Variants in TMEM26 observed in about 807,000 individuals in gnomAD.
TMEM26 encodes the protein transmembrane protein 26.
In TMEM26, 38 loss-of-function variants were observed where a neutral mutation model predicts 28.8. That is an observed-to-expected ratio of 1.32 (90% CI 1.02 to 1.73). The LOEUF (loss-of-function observed/expected upper bound fraction) is 1.73. TMEM26 is among the 40% of genes most tolerant of loss of function. The probability of loss-of-function intolerance (pLI) is 0.00; values close to 1 mark genes in which losing one functional copy is unlikely to be tolerated. For missense variants in TMEM26, 518 were observed against 447.1 expected (o/e 1.16, Z -1.43); for synonymous variants, 227 against 182.9 (o/e 1.24, Z -1.95).
chr10:61,451,969 G>A (rs1326570439), intron 1 of TMEM26, among the ~76,000 whole-genome samples: 1 of 136,770 alleles, frequency 7.3e-6, no homozygotes, highest in Non-Finnish European at 1.5e-5. Flanking sequence ...CATAGCATGA[G>A]ATATTTTTAA....
chr10:61,422,931 A>G (rs1839772186), intron 4 of TMEM26, among the ~76,000 whole-genome samples: 1 of 152,134 alleles, frequency 6.6e-6, no homozygotes. Context: ...ATCAAACCAA[A>G]AAAGTAAACA....
chr10:61,420,791 T>G (rs1041256902), intron 4 of TMEM26, among the ~76,000 whole-genome samples: 6 of 151,666 alleles, frequency 4.0e-5, no homozygotes, highest in African/African-American at 1.5e-4. Flanking sequence ...AAATAAAGTC[T>G]TTCAGGTCGA....
chr10:61,430,073 A>G (rs1057222755), intron 3 of TMEM26, among the ~76,000 whole-genome samples: 3 of 152,082 alleles, frequency 2.0e-5, no homozygotes, highest in African/African-American at 7.2e-5. Flanking sequence ...ACGCTTTCTT[A>G]TATTAGTACT....
In TMEM26 at chr10:61,453,090, G is replaced by T; in HGVS notation, c.-9C>A. 1 of 1,610,468 alleles carries T rather than the reference G, an allele frequency of 6.2e-7. No homozygotes were observed. Among genetic ancestry groups the T allele is most frequent in the East Asian group, 2.2e-5 (1 of 44,790 alleles). ...AAGACCAGTCCCTCCATGCTGGCCG[G>T]AGCACTCTGCCTACGTCCCCTTGCC... On this transcript the variant is annotated 5_prime_UTR_variant, in exon 1 of 6. Coordinates refer to ENST00000399298, the MANE Select transcript of TMEM26 (RefSeq NM_178505.8).
At chr10:61,432,943 A>C (rs561806305) in intron 2 of TMEM26, among the ~76,000 whole-genome samples, 148 of 152,196 alleles carry the variant, frequency 9.7e-4, no homozygotes, top group Non-Finnish European at 1.8e-3. Flanking sequence ...TAAAAATTAA[A>C]TGTTTAACCA....
At chr10:61,413,910 A>C in intron 4 of TMEM26, 2 of 989,454 alleles carry the variant, frequency 2.0e-6, no homozygotes, top group Non-Finnish European at 2.4e-6. Context: ...AGGATTAATA[A>C]TTATTCTAAG....
At chr10:61,424,990 T>A (rs768730146) in intron 4 of TMEM26, among the ~76,000 whole-genome samples, 2 of 152,178 alleles carry the variant, frequency 1.3e-5, no homozygotes, top group Non-Finnish European at 2.9e-5. Context: ...AGTGTACTAG[T>A]CCATTTTCAT....
chr10:61,428,631 C>A (rs576325401), intron 4 of TMEM26, among the ~76,000 whole-genome samples: 5 of 152,064 alleles, frequency 3.3e-5, no homozygotes, highest in Non-Finnish European at 5.9e-5. Context: ...TTTCAGAGAA[C>A]CATGACTCTA....
chr10:61,450,954 T>C (rs1840268158), intron 1 of TMEM26, among the ~76,000 whole-genome samples: 1 of 152,194 alleles, frequency 6.6e-6, no homozygotes, highest in Non-Finnish European at 1.5e-5. Context: ...CCAGTCAACA[T>C]ATATTATTTT....
intron 4 of TMEM26, among the ~76,000 whole-genome samples, chr10:61,422,338 C>T (rs990320904): frequency 6.6e-6 from 1 of 152,026 alleles, no homozygotes; most frequent in African/African-American, 2.4e-5. Flanking sequence ...ACACCCCACC[C>T]AACACCAAGT....
At chr10:61,415,952 T>C in intron 4 of TMEM26, 1 of 355,306 alleles carries the variant, frequency 2.8e-6, no homozygotes, top group Non-Finnish European at 5.5e-6. Context: ...ATGAAACATT[T>C]CTTTTGACTT....
intron 2 of TMEM26, among the ~76,000 whole-genome samples, chr10:61,432,718 A>G (rs1312120093): frequency 6.6e-6 from 1 of 152,174 alleles, no homozygotes; most frequent in Non-Finnish European, 1.5e-5. Flanking sequence ...ATCGTCGACT[A>G]TTCTATAAGC....
chr10:61,436,293 AT>A, intron 1 of TMEM26, 45 bp from the exon 2 acceptor site: 1 of 1,306,100 alleles, frequency 7.7e-7, no homozygotes, highest in Non-Finnish European at 1.1e-6. Context: ...ATTTAAGCTA[AT>A]TTTCCAAAAA....
At chr10:61,413,771 T>G in intron 4 of TMEM26, 1 of 1,177,686 alleles carries the variant, frequency 8.5e-7, no homozygotes, top group Admixed American at 4.2e-5. Context: ...TGACAAAGCC[T>G]CTTGGTCCCA....
In TMEM26 at chr10:61,409,797, A is replaced by G; in HGVS notation, c.*525T>C. 1 of 157,874 alleles carries G rather than the reference A, an allele frequency of 6.3e-6. No homozygotes were observed. Among genetic ancestry groups the G allele is most frequent in the Non-Finnish European group, 1.4e-5 (1 of 71,638 alleles). The allele number at this position is 157,874 out of a possible 1,614,324, so 9.8% of individuals were successfully genotyped here. On this transcript the variant is annotated 3_prime_UTR_variant, in exon 6 of 6. Transcript: ENST00000399298. The stretch of plus-strand genomic sequence containing the variant: ...GCAGCGATGAATAGGGCTCTCTATG[A>G]TACGGAAGCTGGGCAGAGATTTTCG...
chr10:61,420,932 A>T (rs1484199715), intron 4 of TMEM26, among the ~76,000 whole-genome samples: 1 of 152,072 alleles, frequency 6.6e-6, no homozygotes, highest in Non-Finnish European at 1.5e-5. Context: ...ATCTTTTTAA[A>T]ACCTTAAAAG....
At chr10:61,439,684 A>G (rs1218644703) in intron 1 of TMEM26, among the ~76,000 whole-genome samples, 1 of 152,216 alleles carries the variant, frequency 6.6e-6, no homozygotes, top group Admixed American at 6.5e-5. Flanking sequence ...GAATGTCCTC[A>G]TCTGTAAAAT....
chr10:61,450,336 C>T (rs186598426), intron 1 of TMEM26, among the ~76,000 whole-genome samples: 164 of 152,244 alleles, frequency 1.1e-3, no homozygotes, highest in African/African-American at 3.6e-3. Context: ...ACAAAAATTA[C>T]ACCTTGCTTT....
At chr10:61,411,487 G>T (rs1014198715) in intron 5 of TMEM26, among the ~76,000 whole-genome samples, 10 of 152,190 alleles carry the variant, frequency 6.6e-5, no homozygotes, top group Admixed American at 2.6e-4. Context: ...ACACTCAAGC[G>T]TGTGCGCAAA....
Sources: gnomAD v4.1 joint callset for allele counts (sites outside exome capture counted in the v4.1 genomes callset) on GRCh38, gnomAD v4.1.1 for gene constraint, MANE v1.5 for transcripts, NCBI Gene and HGNC (gene_info 2026-07-23, HGNC 2026-07-21) for gene names.